The following DLGAP2 variants were observed in gnomAD, a reference collection of about 807,000 sequenced individuals.
DLGAP2 encodes disks large-associated protein 2.
Under a neutral mutation model 100.3 loss-of-function variants are expected in DLGAP2, and 26 were observed. That is an observed-to-expected ratio of 0.26 (90% CI 0.19 to 0.36). DLGAP2 has a LOEUF of 0.36. DLGAP2 is among the 10% of genes least tolerant of loss of function. The pLI, the probability that DLGAP2 is intolerant of heterozygous loss-of-function variation, is 1.00. For synonymous variants in DLGAP2, 886 were observed against 630.1 expected (o/e 1.41, Z -6.08); for missense variants, 1,858 against 1,453.2 (o/e 1.28, Z -4.53).
chr8:1,147,150 C>G (rs1372991149), intron 2 of DLGAP2, among the ~76,000 whole-genome samples: 2 of 152,212 alleles, frequency 1.3e-5, no homozygotes, highest in Non-Finnish European at 2.9e-5. Flanking sequence ...TTTGGGCCCT[C>G]TGAAGTTTCT....
chr8:914,676 T>A (rs1224526840), intron 2 of DLGAP2, among the ~76,000 whole-genome samples: 2 of 152,196 alleles, frequency 1.3e-5, no homozygotes, highest in Admixed American at 6.6e-5. Context: ...CCAGAGCAGG[T>A]TAATGTACGT....
intron 3 of DLGAP2, among the ~76,000 whole-genome samples, chr8:1,452,381 C>G (rs557615610): frequency 6.6e-6 from 1 of 152,182 alleles, no homozygotes; most frequent in South Asian, 2.1e-4. Context: ...AGCCCTGAGC[C>G]GAGGCTATGC....
chr8:859,857 C>T (rs1361676005), intron 1 of DLGAP2, among the ~76,000 whole-genome samples: 5 of 152,054 alleles, frequency 3.3e-5, no homozygotes, highest in Non-Finnish European at 5.9e-5. Context: ...AGATGGAAGA[C>T]GGAAGACGTG....
At chr8:1,582,760 T>A (rs1296982005) in intron 6 of DLGAP2, among the ~76,000 whole-genome samples, 1 of 152,118 alleles carries the variant, frequency 6.6e-6, no homozygotes, top group Non-Finnish European at 1.5e-5. Flanking sequence ...CGACTAATTT[T>A]TGTATTTTAT....
At chr8:1,329,526 C>T (rs1563086142) in intron 3 of DLGAP2, among the ~76,000 whole-genome samples, 1 of 152,128 alleles carries the variant, frequency 6.6e-6, no homozygotes, top group East Asian at 1.9e-4. Context: ...CATGTGTGTG[C>T]ATGTTCAAAG....
intron 2 of DLGAP2, among the ~76,000 whole-genome samples, chr8:1,122,676 T>G (rs2129047838): frequency 6.6e-6 from 1 of 152,310 alleles, no homozygotes; most frequent in African/African-American, 2.4e-5. Flanking sequence ...AAGAATTATT[T>G]TTTAGTTGAT....
At chr8:886,933 C>T (rs1445023525) in intron 1 of DLGAP2, among the ~76,000 whole-genome samples, 1 of 152,194 alleles carries the variant, frequency 6.6e-6, no homozygotes, top group East Asian at 1.9e-4. Flanking sequence ...TGAGAACTTT[C>T]TGTCTTGTTG....
intron 2 of DLGAP2, among the ~76,000 whole-genome samples, chr8:1,033,294 T>A (rs1802024772): frequency 1.3e-5 from 2 of 152,146 alleles, no homozygotes; most frequent in Non-Finnish European, 2.9e-5. Context: ...TTATACAACT[T>A]GCTTCTCTTA....
rs368739405 is a variant in DLGAP2 at position 906,385 on chromosome 8, C to T, written c.19-1527C>T. On this transcript the variant is annotated intron_variant, in intron 1 of 14. Transcript: ENST00000637795. ...TCAGACCTGGTGGATCATTGAATCCCTCCTGAGGGGGTGGGTTCTGAGGCC... is the reference window on the plus strand; with the variant it reads ...TCAGACCTGGTGGATCATTGAATCCTTCCTGAGGGGGTGGGTTCTGAGGCC... Among the ~76,000 whole-genome samples the T allele has an allele frequency of 1.8e-3, 270 of 152,324 alleles. 1 individual carries two copies. The highest frequency in any genetic ancestry group is 2.7e-3 in the Non-Finnish European group (186 of 68,034).
chr8:957,210 G>A (rs1156704799), intron 2 of DLGAP2, among the ~76,000 whole-genome samples: 2 of 152,208 alleles, frequency 1.3e-5, no homozygotes, highest in Admixed American at 6.5e-5. Flanking sequence ...AAGAGCTGGG[G>A]GCCTTTGAAG....
chr8:1,535,173 CCAGGGG>C, intron 4 of DLGAP2, among the ~76,000 whole-genome samples: 1 of 152,348 alleles, frequency 6.6e-6, no homozygotes, highest in Non-Finnish European at 1.5e-5. Flanking sequence ...AGAAGTCCCC[CCAGGGG>C]TAGTGGCCGC....
chr8:1,334,439 TGTGCTGTGGGAAC>T, intron 3 of DLGAP2, among the ~76,000 whole-genome samples: 1 of 152,162 alleles, frequency 6.6e-6, no homozygotes. Flanking sequence ...TCTGTAAATA[TGTGCTGTGGGAAC>T]GTGCTGTGGA....
intron 3 of DLGAP2, among the ~76,000 whole-genome samples, chr8:1,474,568 G>A (rs1358341694): frequency 1.3e-5 from 2 of 152,108 alleles, no homozygotes; most frequent in Non-Finnish European, 2.9e-5. Context: ...TATGACCAAT[G>A]AGTAGGCACC....
At chr8:1,671,540 G>A (rs1798690837) in intron 10 of DLGAP2, among the ~76,000 whole-genome samples, 2 of 152,278 alleles carry the variant, frequency 1.3e-5, no homozygotes, top group South Asian at 4.1e-4. Flanking sequence ...CGGGGTGGGG[G>A]GTCCTGTCCC....
At chr8:1,168,595 T>G (rs1489180807) in intron 2 of DLGAP2, among the ~76,000 whole-genome samples, 2 of 149,314 alleles carry the variant, frequency 1.3e-5, no homozygotes, top group Non-Finnish European at 3.0e-5. Flanking sequence ...AGATGATATC[T>G]CATTGTGGTT....
At chr8:754,596 G>A (rs527653703) in intron 1 of DLGAP2, among the ~76,000 whole-genome samples, 5 of 152,316 alleles carry the variant, frequency 3.3e-5, no homozygotes, top group African/African-American at 1.2e-4. Flanking sequence ...GCTTACACCT[G>A]CAATCCCAGT....
chr8:1,046,874 C>T (rs912022912), intron 2 of DLGAP2, among the ~76,000 whole-genome samples: 6 of 152,006 alleles, frequency 3.9e-5, no homozygotes, highest in African/African-American at 1.2e-4. Context: ...GGGTCAAGGC[C>T]TCACCCATTG....
At chr8:1,147,740 C>G (rs531491031) in intron 2 of DLGAP2, among the ~76,000 whole-genome samples, 16 of 152,210 alleles carry the variant, frequency 1.1e-4, no homozygotes, top group Admixed American at 3.3e-4. Context: ...CCAGGCTGAA[C>G]TTGAACTCCA....
chr8:1,036,164 C>T (rs1208873499), intron 2 of DLGAP2, among the ~76,000 whole-genome samples: 13 of 122,394 alleles, frequency 1.1e-4, no homozygotes, highest in African/African-American at 2.8e-4. Flanking sequence ...TGGATTCACA[C>T]GCTCATCCCG....
Sources: gnomAD v4.1 joint callset for allele counts (sites outside exome capture counted in the v4.1 genomes callset) on GRCh38, gnomAD v4.1.1 for gene constraint, MANE v1.5 for transcripts, NCBI Gene and HGNC (gene_info 2026-07-23, HGNC 2026-07-21) for gene names.